INPP4A: variants seen among roughly 807,000 people sequenced by gnomAD.
INPP4A encodes inositol polyphosphate-4-phosphatase type I A, also known as inositol polyphosphate-4-phosphatase, type I, 107kD.
In INPP4A, 33 loss-of-function variants were observed where a neutral mutation model predicts 119.8. The ratio of observed to expected loss-of-function variants is 0.28; its 90% CI spans 0.21 to 0.37. The LOEUF (loss-of-function observed/expected upper bound fraction) is 0.37. Ranked by LOEUF, INPP4A falls within the 10% of genes least tolerant of loss-of-function variation. The pLI is 1.00. For missense variants in INPP4A, 956 were observed against 1,289.9 expected, an observed-to-expected ratio of 0.74 and a Z score of 3.97; for synonymous variants, 496 against 500.7, an observed-to-expected ratio of 0.99 and a Z score of 0.12.
chr2:98,519,996 A>G lies in INPP4A; in HGVS notation c.-53A>G, dbSNP rs972243213. The G allele has an allele frequency of 2.1e-6, 3 of 1,433,674 alleles. No individual in the cohort carries two copies. The African/African-American group carries it at 4.2e-5, about 20-fold the overall frequency. 88.8% of individuals were successfully genotyped at this position (1,433,674 alleles called of 1,614,324 possible). On this transcript the variant is annotated 5_prime_UTR_variant, in exon 3 of 25. Coordinates refer to ENST00000409851, the MANE Select transcript of INPP4A (RefSeq NM_001134225.2). The stretch of plus-strand genomic sequence containing the variant: ...GGCTCGGTGCCAGCACTTCCCGGGT[A>G]ATCAGGCGTGGTCTGACCGAGGATC...
intron 16 of INPP4A, among the ~76,000 whole-genome samples, chr2:98,557,387 G>A (rs1048919148): frequency 2.0e-5 from 3 of 152,180 alleles, no homozygotes; most frequent in African/African-American, 7.2e-5. Context: ...AACATCTTTA[G>A]CACAGCCAGG....
intron 1 of INPP4A, among the ~76,000 whole-genome samples, chr2:98,463,003 G>A (rs1027996857): frequency 1.1e-4 from 17 of 151,988 alleles, no homozygotes; most frequent in Middle Eastern, 3.2e-3. Context: ...CATCACATCC[G>A]GCTAATTTTT....
chr2:98,548,666 C>T (rs920123196), intron 13 of INPP4A, among the ~76,000 whole-genome samples: 7 of 152,152 alleles, frequency 4.6e-5, no homozygotes, highest in African/African-American at 1.7e-4. Flanking sequence ...TCACTAATGC[C>T]ATCAAGCCAC....
At position 98,572,825 on chromosome 2, in the gene INPP4A, G is replaced by C; in HGVS notation, c.2529G>C (p.Arg843=). Residue 843 remains arginine, a synonymous_variant, in exon 23 of 25, where the codon CGG becomes CGC. Transcript: ENST00000409851. ...CCTTTTCTCTTCCAGGCCTGCCTCG[G>C]TCTCGCAGTCAGACGTGCCTGCCAG... ...KEVLPEDCLP[R]SRSQTCLPEL... is the part of the protein sequence containing the mutation. 6.4e-7 allele frequency: 1 copy of C among 1,559,302 alleles called. No individual in the cohort carries two copies. The highest frequency in any genetic ancestry group is 1.2e-5 in the South Asian group (1 of 84,380).
In INPP4A at chr2:98,546,772, T is replaced by G. The variant is rs2106110427; in HGVS notation, c.1163+78T>G. 1 of 946,912 alleles carries G rather than the reference T, an allele frequency of 1.1e-6. No homozygotes were observed. The highest frequency in any genetic ancestry group is 1.7e-6 in the Non-Finnish European group (1 of 597,848). The allele number at this position is 946,912 out of a possible 1,614,324, so 58.7% of individuals were successfully genotyped here. A position where few individuals can be genotyped will look rare whatever the true frequency, so the allele number is the denominator to read the frequency against. Reference sequence around the variant, plus strand: ...TTCTCAGTTTAAAATAAAATCAAAATATGACCGCAAAAACACCCAGCCATC... The same window carrying G: ...TTCTCAGTTTAAAATAAAATCAAAAGATGACCGCAAAAACACCCAGCCATC... On this transcript the variant is annotated intron_variant, in intron 13 of 24. Coordinates refer to ENST00000409851, the MANE Select transcript of INPP4A (RefSeq NM_001134225.2). The surrounding 1 kb of genome is among the most constrained non-coding windows in gnomAD (Gnocchi z 4.2).
At chr2:98,525,678 A>T (rs944803868) in intron 4 of INPP4A, among the ~76,000 whole-genome samples, 3 of 152,262 alleles carry the variant, frequency 2.0e-5, no homozygotes, top group Non-Finnish European at 2.9e-5. Flanking sequence ...CCAAATTTTT[A>T]AAATGAGCAA....
chr2:98,564,735 C>G lies in INPP4A; in HGVS notation c.2124C>G (p.Ala708=), dbSNP rs367873334. ...AGCTCTACACCATCGGGCTGCTGGC[C>G]CAGTTCGAGAGCCTGCTGAGCACCT... ...LRQLYTIGLL[A]QFESLLSTYG... The change falls in exon 19 of 25, where the codon GCC becomes GCG. Residue 708 remains alanine, a synonymous_variant. Transcript: ENST00000409851. 8 of 1,598,640 alleles carry G rather than the reference C, an allele frequency of 5.0e-6. No individual in the cohort carries two copies. The African/African-American group carries it at 1.1e-4, about 21-fold the overall frequency.
intron 1 of INPP4A, among the ~76,000 whole-genome samples, chr2:98,468,583 G>A (rs77789671): frequency 0.016 from 2,352 of 149,048 alleles, 68 homozygotes; most frequent in African/African-American, 0.054. Context: ...GGGTAATAAA[G>A]GAAGGAAGGG....
In INPP4A at chr2:98,543,734, C is replaced by G. The variant is rs962042819; in HGVS notation, c.819-143C>G. ...TCCTCCAACCCAGTTGCCCTTTAGA[C>G]AGGCAGTGTAACCATTGTCCTGGCC... On this transcript the variant is annotated intron_variant, in intron 10 of 24. Transcript: ENST00000409851. 5 of 1,001,482 alleles carry G rather than the reference C, an allele frequency of 5.0e-6. No individual in the cohort carries two copies. The African/African-American group carries it at 6.5e-5, about 13-fold the overall frequency. The allele number at this position is 1,001,482 out of a possible 1,614,324, so 62.0% of individuals were successfully genotyped here. A position where few individuals can be genotyped will look rare whatever the true frequency, so the allele number is the denominator to read the frequency against.
chr2:98,523,435 C>T (rs1687610029), intron 4 of INPP4A, among the ~76,000 whole-genome samples: 1 of 149,320 alleles, frequency 6.7e-6, no homozygotes, highest in Non-Finnish European at 1.5e-5. Context: ...CTCTCTGTCT[C>T]CCGGGGTGGA....
At position 98,587,648 on chromosome 2, in the gene INPP4A, TG is replaced by T; in HGVS notation, c.*43del. ...CTAATTAGCTGTTACATAATAAATG[TG>T]GGTACCCTCTAGTGTCATATATGAA... On this transcript the variant is annotated 3_prime_UTR_variant, in exon 25 of 25. Transcript: ENST00000409851. 6.5e-7 allele frequency: 1 copy of T among 1,533,326 alleles called. No homozygotes were observed. The highest frequency in any genetic ancestry group is 8.8e-7 in the Non-Finnish European group (1 of 1,131,966). The allele number at this position is 1,533,326 out of a possible 1,614,324, so 95.0% of individuals were successfully genotyped here. A position where few individuals can be genotyped will look rare whatever the true frequency, so the allele number is the denominator to read the frequency against.
intron 16 of INPP4A, among the ~76,000 whole-genome samples, chr2:98,556,955 G>T (rs1231824784): frequency 3.3e-5 from 5 of 152,074 alleles, no homozygotes; most frequent in Non-Finnish European, 5.9e-5. Context: ...TCTTTTTTAT[G>T]TGAATCGTGT....
chr2:98,501,150 C>A (rs960768388), intron 1 of INPP4A, among the ~76,000 whole-genome samples: 1 of 152,136 alleles, frequency 6.6e-6, no homozygotes, highest in Non-Finnish European at 1.5e-5. Context: ...AACCTTGTCT[C>A]TACTAAAAAT....
chr2:98,469,122 C>T (rs1004106954), intron 1 of INPP4A, among the ~76,000 whole-genome samples: 1 of 152,116 alleles, frequency 6.6e-6, no homozygotes, highest in African/African-American at 2.4e-5. Flanking sequence ...CTGGGTGGGG[C>T]CAGCATGACA....
At chr2:98,552,125 G>A (rs915481284) in intron 13 of INPP4A, among the ~76,000 whole-genome samples, 1 of 152,158 alleles carries the variant, frequency 6.6e-6, no homozygotes, top group African/African-American at 2.4e-5. Context: ...GTCCGGCTTT[G>A]CCTGTGGCTT....
Position 98,572,802 on chromosome 2 carries a change from T to C in INPP4A, c.2519-13T>C. On this transcript the variant is annotated splice_polypyrimidine_tract_variant and intron_variant, in intron 22 of 24. Transcript: ENST00000409851. ...TGCGTCACCCACTCCCACGAACTCC[T>C]TTTCTCTTCCAGGCCTGCCTCGGTC... 6.5e-7 allele frequency: 1 copy of C among 1,540,684 alleles called. No individual in the cohort carries two copies. The highest frequency in any genetic ancestry group is 8.8e-7 in the Non-Finnish European group (1 of 1,141,674).
intron 13 of INPP4A, among the ~76,000 whole-genome samples, chr2:98,548,387 C>T (rs1265494510): frequency 6.6e-6 from 1 of 152,136 alleles, no homozygotes; most frequent in African/African-American, 2.4e-5. Flanking sequence ...CCTGTGCCAC[C>T]GCAGCTCTGC....
At chr2:98,534,262 G>A (rs1689790736) in intron 5 of INPP4A, among the ~76,000 whole-genome samples, 1 of 152,326 alleles carries the variant, frequency 6.6e-6, no homozygotes. Flanking sequence ...ATGATACAGA[G>A]CCCACCAGGG....
intron 13 of INPP4A, among the ~76,000 whole-genome samples, chr2:98,551,674 C>T (rs1693549193): frequency 6.6e-6 from 1 of 152,164 alleles, no homozygotes; most frequent in African/African-American, 2.4e-5. Flanking sequence ...GGTGCCCTCG[C>T]TCCTCCTCTC....
Sources: gnomAD v4.1 joint callset for allele counts (sites outside exome capture counted in the v4.1 genomes callset) on GRCh38, gnomAD v4.1.1 for gene constraint, Gnocchi (gnomAD v3.1) non-coding constraint, MANE v1.5 for transcripts, NCBI Gene and HGNC (gene_info 2026-07-23, HGNC 2026-07-21) for gene names.